TOMM20: variants seen among roughly 807,000 people sequenced by gnomAD.
The protein encoded by TOMM20 is translocase of outer mitochondrial membrane 20.
In TOMM20, 10 loss-of-function variants were observed where a neutral mutation model predicts 22.1. That is an observed-to-expected ratio of 0.45 (90% CI 0.28 to 0.77). TOMM20 has a LOEUF of 0.77. Ranked by LOEUF, TOMM20 falls within the 30% of genes least tolerant of loss-of-function variation. The pLI is 0.13. For missense variants in TOMM20, 121 were observed against 172.2 expected, an observed-to-expected ratio of 0.70 and a Z score of 1.66; for synonymous variants, 55 against 61.4, an observed-to-expected ratio of 0.90 and a Z score of 0.49.
chr1:235,117,326 T>C (rs1267082601), intron 3 of TOMM20, among the ~76,000 whole-genome samples: 1 of 150,558 alleles, frequency 6.6e-6, no homozygotes. Context: ...GGCTTGGTGG[T>C]GCATGCCTAT....
intron 3 of TOMM20, among the ~76,000 whole-genome samples, chr1:235,116,235 C>G (rs1164377142): frequency 6.6e-6 from 1 of 151,930 alleles, no homozygotes; most frequent in Non-Finnish European, 1.5e-5. Flanking sequence ...GAAACTCCAT[C>G]TCTACTAAAA....
chr1:235,116,971 T>TAAAA (rs1216967362), intron 3 of TOMM20, among the ~76,000 whole-genome samples: 1 of 148,362 alleles, frequency 6.7e-6, no homozygotes, highest in African/African-American at 2.5e-5. Context: ...CCGTCTCTAC[T>TAAAA]AAAAATACAA....
chr1:235,128,614 G>T lies in TOMM20; in HGVS notation c.102C>A (p.Phe34Leu), dbSNP rs750052212. ...FDRKRRSDPN[F>L]KNRLRERRKK... Reference sequence around the variant, plus strand: ...ACTCACGTTCTCGAAGCCTGTTCTTGAAGTTGGGGTCACTTCGTCTTTTGC... The same window carrying T: ...ACTCACGTTCTCGAAGCCTGTTCTTTAAGTTGGGGTCACTTCGTCTTTTGC... Residue 34 changes from phenylalanine (F) to leucine (L), a missense_variant, in exon 1 of 5, where the codon TTC (phenylalanine) becomes TTA (leucine). Physicochemically the swap from Phe to Leu is conservative, Grantham distance 22. Transcript: ENST00000366607. The T allele has an allele frequency of 2.5e-6, 4 of 1,612,934 alleles. No homozygotes were observed. In the Admixed American group the frequency reaches 5.0e-5, roughly 20 times the overall value.
intron 2 of TOMM20, among the ~76,000 whole-genome samples, chr1:235,120,547 G>C (rs1038566689): frequency 4.6e-5 from 7 of 151,630 alleles, no homozygotes; most frequent in African/African-American, 1.5e-4. Context: ...TTACAGGTAT[G>C]AGCCACCGCA....
At position 235,111,712 on chromosome 1, in the gene TOMM20, CT is replaced by C. The variant is rs141261852; in HGVS notation, c.*351del. 0.013 allele frequency: 2,062 copies of C among 160,956 alleles called. 1 individual carries two copies. The highest frequency in any genetic ancestry group is 0.032 in the Middle Eastern group (11 of 342). The allele number at this position is 160,956 out of a possible 1,614,324, so 10.0% of individuals were successfully genotyped here. ...TGTACATTCTTCAGTTTCTCCTATA[CT>C]TTTTTTTTTTTGCCTATCTTTCAAA... On this transcript the variant is annotated 3_prime_UTR_variant, in exon 5 of 5. Coordinates refer to ENST00000366607, the MANE Select transcript of TOMM20 (RefSeq NM_014765.3).
At chr1:235,115,825 C>T (rs558765591) in intron 3 of TOMM20, among the ~76,000 whole-genome samples, 3 of 152,224 alleles carry the variant, frequency 2.0e-5, no homozygotes, top group African/African-American at 7.2e-5. Flanking sequence ...GCAACATTAC[C>T]TATGTGTAGG....
rs549418530 is a variant in TOMM20 at position 235,120,516 on chromosome 1, C to T, written c.169-617G>A. Among the ~76,000 whole-genome samples the T allele has an allele frequency of 2.4e-4, 36 of 151,942 alleles. 1 individual carries two copies. Among genetic ancestry groups the T allele is most frequent in the South Asian group, 2.3e-3 (11 of 4,798 alleles). On this transcript the variant is annotated intron_variant, in intron 2 of 4. Transcript: ENST00000366607. ...CTGACCTCAGATGATCCACCCGCCTCGGCCTCCCAAAGTGCTAGGATTACA... is the reference window on the plus strand; with the variant it reads ...CTGACCTCAGATGATCCACCCGCCTTGGCCTCCCAAAGTGCTAGGATTACA...
intron 1 of TOMM20, among the ~76,000 whole-genome samples, chr1:235,123,264 A>G (rs1314108035): frequency 6.6e-6 from 1 of 152,200 alleles, no homozygotes; most frequent in Non-Finnish European, 1.5e-5. Context: ...AGCCAGGCAG[A>G]TCACAAGGTC....
At chr1:235,124,379 T>C (rs1456667257) in intron 1 of TOMM20, among the ~76,000 whole-genome samples, 2 of 152,168 alleles carry the variant, frequency 1.3e-5, no homozygotes, top group African/African-American at 2.4e-5. Flanking sequence ...CCAGGTACTA[T>C]TATCATCCCC....
At chr1:235,117,881 C>A (rs1189260227) in intron 3 of TOMM20, among the ~76,000 whole-genome samples, 1 of 152,128 alleles carries the variant, frequency 6.6e-6, no homozygotes, top group Non-Finnish European at 1.5e-5. Flanking sequence ...CAGGATACTC[C>A]AATTGTGTAG....
rs115932612 is a variant in TOMM20, at chr1:235,112,260, C to T, written c.394-152G>A. 2,536 of 654,008 alleles carry T rather than the reference C, an allele frequency of 3.9e-3. 40 individuals are homozygous for T. Among genetic ancestry groups the T allele is most frequent in the African/African-American group, 0.036 (1,943 of 54,448 alleles). 40.5% of individuals were successfully genotyped at this position (654,008 alleles called of 1,614,324 possible). A position where few individuals can be genotyped will look rare whatever the true frequency, so the allele number is the denominator to read the frequency against. ...AATTCAAAATGTAACACTTTACACA[C>T]AGTCGGCATCCAAGAAAACAATGAT... On this transcript the variant is annotated intron_variant, in intron 4 of 4. Transcript: ENST00000366607.
intron 1 of TOMM20, among the ~76,000 whole-genome samples, chr1:235,126,531 G>C (rs532514197): frequency 6.6e-6 from 1 of 151,992 alleles, no homozygotes; most frequent in African/African-American, 2.4e-5. Flanking sequence ...TCATCCGGAC[G>C]CGGTGGCTCA....
chr1:235,127,752 G>C (rs1482134752), intron 1 of TOMM20: 1 of 416,736 alleles, frequency 2.4e-6, no homozygotes, highest in Non-Finnish European at 4.9e-6. Flanking sequence ...ATTCAAGGTG[G>C]ATCACAACGG....
At chr1:235,122,216 T>A (rs904690532) in intron 2 of TOMM20, 110 bp downstream of exon 2, 5 of 917,196 alleles carry the variant, frequency 5.5e-6, no homozygotes, top group Non-Finnish European at 7.8e-6. Context: ...AAAAGCAATG[T>A]CCAGTATCAA....
chr1:235,115,802 C>A (rs1660818519), intron 3 of TOMM20, among the ~76,000 whole-genome samples: 1 of 152,128 alleles, frequency 6.6e-6, no homozygotes, highest in Non-Finnish European at 1.5e-5. Flanking sequence ...CCCTCAGGAG[C>A]AAAGGCAGGT....
chr1:235,126,090 A>AAGAT (rs932009826), intron 1 of TOMM20, among the ~76,000 whole-genome samples: 1 of 150,068 alleles, frequency 6.7e-6, no homozygotes, highest in Non-Finnish European at 1.5e-5. Flanking sequence ...TAGATAGATA[A>AAGAT]AGATAGATAG....
chr1:235,122,255 C>A (rs1239715914), intron 2 of TOMM20, 71 bp downstream of exon 2: 2 of 1,310,578 alleles, frequency 1.5e-6, no homozygotes, highest in Non-Finnish European at 2.0e-6. Flanking sequence ...ATTTTAATTA[C>A]ATTTCCAATT....
intron 2 of TOMM20, 123 bp downstream of exon 2, chr1:235,122,203 T>TA (rs1356333240): frequency 2.6e-6 from 2 of 780,616 alleles, no homozygotes; most frequent in East Asian, 6.3e-5. Context: ...TATTTTAAAA[T>TA]AAAAAAGCAA....
chr1:235,127,944 G>A (rs2102814965), intron 1 of TOMM20: 2 of 517,518 alleles, frequency 3.9e-6, no homozygotes, highest in South Asian at 2.8e-5. Flanking sequence ...GCAGCAATGA[G>A]CCAGGCGGAT....
Sources: gnomAD v4.1 joint callset for allele counts (sites outside exome capture counted in the v4.1 genomes callset) on GRCh38, gnomAD v4.1.1 for gene constraint, MANE v1.5 for transcripts, NCBI Gene and HGNC (gene_info 2026-07-23, HGNC 2026-07-21) for gene names.